The following TRAPPC9 variants were observed in gnomAD, a reference collection of about 807,000 sequenced individuals.
TRAPPC9 encodes trafficking protein particle complex subunit 9.
In TRAPPC9, 83 loss-of-function variants were observed where a neutral mutation model predicts 124.0. The ratio of observed to expected loss-of-function variants is 0.67; its 90% confidence interval spans 0.56 to 0.80. The LOEUF (loss-of-function observed/expected upper bound fraction) is 0.80, where lower values mean the gene tolerates loss of function less well. Among genes scored for constraint, TRAPPC9 ranks in the 30% least tolerant of loss-of-function variants. The probability of loss-of-function intolerance (pLI) is 0.00; values close to 1 mark genes in which losing one functional copy is unlikely to be tolerated. For missense variants in TRAPPC9, 1,302 were observed against 1,508.3 expected, an observed-to-expected ratio of 0.86 and a Z score of 2.27; for synonymous variants, 638 against 617.5, an observed-to-expected ratio of 1.03 and a Z score of -0.49.
intron 21 of TRAPPC9, among the ~76,000 whole-genome samples, chr8:139,769,836 AAAG>A (rs1205367798): frequency 6.6e-6 from 1 of 152,284 alleles, no homozygotes; most frequent in Non-Finnish European, 1.5e-5. Context: ...ACATGCTTAA[AAAG>A]AAGAAGAAAT....
rs187912111 is a variant in TRAPPC9 at position 140,015,487 on chromosome 8, T to G, written c.2699+8450A>C. 3.9e-5 allele frequency among the ~76,000 whole-genome samples: 6 copies of G among 152,336 alleles called. No individual in the cohort carries two copies. In the East Asian group the frequency reaches 1.2e-3, roughly 29 times the overall value. On this transcript the variant is annotated intron_variant, in intron 18 of 22. Coordinates refer to ENST00000438773, the MANE Select transcript of TRAPPC9 (RefSeq NM_001160372.4). The stretch of plus-strand genomic sequence containing the variant: ...CCGAAAATGCATACTAATTCTGTTG[T>G]GTTCCAGGCCTTGCAATTTACACAG...
chr8:140,246,158 G>A (rs372061746), intron 16 of TRAPPC9, among the ~76,000 whole-genome samples: 10 of 152,192 alleles, frequency 6.6e-5, no homozygotes, highest in East Asian at 3.8e-4. Context: ...AACACAGTTC[G>A]CATCTTTACT....
At chr8:140,076,063 C>T (rs1018644169) in intron 17 of TRAPPC9, among the ~76,000 whole-genome samples, 1 of 152,182 alleles carries the variant, frequency 6.6e-6, no homozygotes, top group African/African-American at 2.4e-5. Flanking sequence ...TCAGGCCAGT[C>T]CTGAGAGGAG....
intron 11 of TRAPPC9, among the ~76,000 whole-genome samples, chr8:140,294,363 G>A (rs1563923300): frequency 1.3e-5 from 2 of 151,888 alleles, no homozygotes; most frequent in Non-Finnish European, 1.5e-5. Context: ...GGCCACTGAT[G>A]GTCAGCATCC....
Position 139,825,919 on chromosome 8 carries a change from G to C in TRAPPC9, c.3055+59960C>G, listed in dbSNP as rs1825593647. Among the ~76,000 whole-genome samples the C allele has an allele frequency of 6.6e-6, 1 of 152,182 alleles. No homozygotes were observed. The highest frequency in any genetic ancestry group is 2.4e-5 in the African/African-American group (1 of 41,448). The stretch of plus-strand genomic sequence containing the variant: ...GCCATGCCAGGCTCTGGTGGGGAGA[G>C]GTGAGCATCGGATATAACCCGCCCG... On this transcript the variant is annotated intron_variant, in intron 21 of 22. Coordinates refer to ENST00000438773, the MANE Select transcript of TRAPPC9 (RefSeq NM_001160372.4). The surrounding 1 kb of genome is among the most constrained non-coding windows in gnomAD (Gnocchi z 4.6).
At chr8:140,055,194 T>C (rs1027367777) in intron 17 of TRAPPC9, among the ~76,000 whole-genome samples, 19 of 152,212 alleles carry the variant, frequency 1.2e-4, no homozygotes, top group Non-Finnish European at 2.2e-4. Flanking sequence ...GATTTATCTC[T>C]GGATGCAAGG....
chr8:140,038,046 A>AG (rs1246297911), intron 17 of TRAPPC9, among the ~76,000 whole-genome samples: 1 of 150,724 alleles, frequency 6.6e-6, no homozygotes, highest in Non-Finnish European at 1.5e-5. Context: ...CAGAAGACTA[A>AG]GAAACTCTCT....
intron 20 of TRAPPC9, among the ~76,000 whole-genome samples, chr8:139,905,424 G>A (rs1029023771): frequency 1.5e-4 from 23 of 152,322 alleles, no homozygotes; most frequent in African/African-American, 4.1e-4. Flanking sequence ...CCAACCTGGC[G>A]TGTGCGTGAC....
chr8:140,338,791 C>G (rs1317206558), intron 9 of TRAPPC9, among the ~76,000 whole-genome samples: 1 of 104,908 alleles, frequency 9.5e-6, no homozygotes, highest in Non-Finnish European at 1.9e-5. Context: ...TCAGAGAAAA[C>G]CAACGCCACC....
At chr8:139,764,547 A>G (rs1462466127) in intron 21 of TRAPPC9, among the ~76,000 whole-genome samples, 1 of 152,182 alleles carries the variant, frequency 6.6e-6, no homozygotes, top group African/African-American at 2.4e-5. Flanking sequence ...CTTTCCCAGC[A>G]CTGAGTGAGA....
intron 19 of TRAPPC9, among the ~76,000 whole-genome samples, chr8:139,976,922 G>A (rs916374896): frequency 3.3e-5 from 5 of 152,180 alleles, no homozygotes; most frequent in Non-Finnish European, 5.9e-5. Flanking sequence ...ACAAACTGGT[G>A]AGCTGCCAGA....
At chr8:140,166,355 C>T (rs944138787) in intron 17 of TRAPPC9, among the ~76,000 whole-genome samples, 7 of 152,178 alleles carry the variant, frequency 4.6e-5, no homozygotes, top group Non-Finnish European at 7.4e-5. Flanking sequence ...TCTAGGGTGC[C>T]AAATGCAACA....
intron 21 of TRAPPC9, among the ~76,000 whole-genome samples, chr8:139,879,952 G>A (rs1829576592): frequency 6.6e-6 from 1 of 152,188 alleles, no homozygotes; most frequent in Non-Finnish European, 1.5e-5. Flanking sequence ...AAGCAGGTCT[G>A]TGGGATTTGA....
rs769453617 is a variant in TRAPPC9, at chr8:140,221,547, G to C, written c.2468C>G (p.Pro823Arg). Reference protein sequence around the residue: ...ISVSGFPLSSPFRQVVRPRVE... With the variant: ...ISVSGFPLSSRFRQVVRPRVE... ...TCGGGGCCGAACGACCTGCCGAAAA[G>C]GACTGGACAGGGGAAAGCCACTCAC... The change falls in exon 17 of 23, where the codon CCT becomes CGT. Residue 823 changes from proline (P) to arginine (R), a missense_variant. This residue lies in a region of TRAPPC9 where 640 missense variants were observed against 679.3 expected (regional missense o/e 0.94). Coordinates refer to ENST00000438773, the MANE Select transcript of TRAPPC9 (RefSeq NM_001160372.4). The C allele has an allele frequency of 6.2e-7, 1 of 1,614,126 alleles. No individual in the cohort carries two copies. The highest frequency in any genetic ancestry group is 1.3e-5 in the African/African-American group (1 of 75,040).
At chr8:139,871,635 A>G (rs1828906924) in intron 21 of TRAPPC9, among the ~76,000 whole-genome samples, 1 of 152,248 alleles carries the variant, frequency 6.6e-6, no homozygotes, top group East Asian at 1.9e-4. Context: ...CCCTTCCAAA[A>G]AAAGATGTCT....
chr8:139,777,307 G>A (rs1821458605), intron 21 of TRAPPC9, among the ~76,000 whole-genome samples: 1 of 152,218 alleles, frequency 6.6e-6, no homozygotes, highest in South Asian at 2.1e-4. Context: ...GCTGAATGAA[G>A]GATAGAGAGC....
chr8:140,408,395 G>A (rs1024171540), intron 5 of TRAPPC9, among the ~76,000 whole-genome samples: 2 of 152,060 alleles, frequency 1.3e-5, no homozygotes, highest in African/African-American at 4.8e-5. Context: ...ACACAAGACT[G>A]TATACAAGGC....
chr8:140,450,672 T>C, intron 2 of TRAPPC9, 118 bp downstream of exon 2: 2 of 830,994 alleles, frequency 2.4e-6, no homozygotes, highest in Non-Finnish European at 3.9e-6. Flanking sequence ...AGAAAGTCAT[T>C]AGTTTTAAAA....
intron 9 of TRAPPC9, among the ~76,000 whole-genome samples, chr8:140,345,097 C>G (rs6992777): frequency 0.63 from 95,978 of 152,206 alleles, 30,580 homozygotes; most frequent in African/African-American, 0.74. Context: ...CTGCAGCACC[C>G]CAGAAGGAAG....
Sources: gnomAD v4.1 joint callset for allele counts (sites outside exome capture counted in the v4.1 genomes callset) on GRCh38, gnomAD v4.1.1 for gene constraint, gnomAD v4.1.1 regional missense constraint, Gnocchi (gnomAD v3.1) non-coding constraint, MANE v1.5 for transcripts, NCBI Gene and HGNC (gene_info 2026-07-23, HGNC 2026-07-21) for gene names.